The following TASP1 variants were observed in gnomAD, a reference collection of about 807,000 sequenced individuals.
The protein encoded by TASP1 is threonine aspartase 1.
A neutral mutation model predicts 56.6 loss-of-function variants in TASP1; 16 were observed. The observed-to-expected ratio is 0.28, with a 90% CI of 0.19 to 0.43. The LOEUF (loss-of-function observed/expected upper bound fraction) is 0.43. TASP1 is among the 20% of genes least tolerant of loss of function. The pLI is 1.00. For synonymous variants in TASP1, 179 were observed against 184.2 expected (o/e 0.97, Z 0.23); for missense variants, 393 against 511.6 (o/e 0.77, Z 2.24).
the TASP1 span, among the ~76,000 whole-genome samples, chr20:13,130,790 A>G: frequency 6.6e-6 from 1 of 152,216 alleles, no homozygotes; most frequent in African/African-American, 2.4e-5. Context: ...CAATGTTGTA[A>G]GCCCCTTAAG....
chr20:13,222,908 A>T, the TASP1 span, among the ~76,000 whole-genome samples: 1 of 152,174 alleles, frequency 6.6e-6, no homozygotes. Context: ...CACGCCTGTG[A>T]TCCCAGCACT....
At chr20:13,194,156 C>CA in the TASP1 span, among the ~76,000 whole-genome samples, 1 of 151,722 alleles carries the variant, frequency 6.6e-6, no homozygotes, top group African/African-American at 2.4e-5. Context: ...CAAAAAACAG[C>CA]AAAAAATGTT....
the TASP1 span, among the ~76,000 whole-genome samples, chr20:13,336,041 A>G: frequency 9.8e-5 from 15 of 152,368 alleles, no homozygotes; most frequent in African/African-American, 3.6e-4. Context: ...AAATCTCAGA[A>G]CACAGTTAAA....
the TASP1 span, chr20:13,133,067 C>T: frequency 1.3e-5 from 2 of 152,314 alleles, no homozygotes; most frequent in Non-Finnish European, 2.9e-5. Context: ...TGAAAACAGC[C>T]TTCAAAGACT....
chr20:13,164,281 GA>G, the TASP1 span: 3 of 460,154 alleles, frequency 6.5e-6, no homozygotes, highest in South Asian at 4.8e-5. Context: ...TTAAAAGCAG[GA>G]GGCCTGGGGT....
At chr20:13,383,894 T>C in the TASP1 span, among the ~76,000 whole-genome samples, 7 of 152,210 alleles carry the variant, frequency 4.6e-5, no homozygotes, top group Non-Finnish European at 8.8e-5. Context: ...CCATAGAACA[T>C]GAAACAGATG....
the TASP1 span, among the ~76,000 whole-genome samples, chr20:13,151,524 C>G: frequency 6.6e-6 from 1 of 152,196 alleles, no homozygotes; most frequent in Non-Finnish European, 1.5e-5. Flanking sequence ...GGGGAGGGAT[C>G]ATCCTTGAGA....
chr20:13,379,943 T>C, the TASP1 span, among the ~76,000 whole-genome samples: 3 of 152,242 alleles, frequency 2.0e-5, no homozygotes, highest in South Asian at 2.1e-4. Context: ...TGTTCTTCTC[T>C]AGACTGGTTA....
At chr20:13,406,716 G>C (rs1213924356) in intron 13 of TASP1, among the ~76,000 whole-genome samples, 2 of 148,324 alleles carry the variant, frequency 1.3e-5, no homozygotes, top group Non-Finnish European at 3.0e-5. Context: ...ACCCAGGCTG[G>C]AGTGCAGTGG....
At chr20:13,355,242 G>C in the TASP1 span, among the ~76,000 whole-genome samples, 1 of 152,114 alleles carries the variant, frequency 6.6e-6, no homozygotes, top group African/African-American at 2.4e-5. Context: ...TTTATTTAAT[G>C]TTTGAGTTAT....
intron 11 of TASP1, among the ~76,000 whole-genome samples, chr20:13,462,652 T>C (rs1465144100): frequency 6.6e-6 from 1 of 152,158 alleles, no homozygotes; most frequent in Non-Finnish European, 1.5e-5. Context: ...AATTTCTACA[T>C]ACTAACAGTG....
chr20:13,272,382 C>A, the TASP1 span, among the ~76,000 whole-genome samples: 1 of 152,162 alleles, frequency 6.6e-6, no homozygotes, highest in Non-Finnish European at 1.5e-5. Context: ...TAAAATGCTG[C>A]ATTAGGTTAT....
At chr20:13,288,995 C>A in the TASP1 span, among the ~76,000 whole-genome samples, 1 of 152,042 alleles carries the variant, frequency 6.6e-6, no homozygotes, top group Admixed American at 6.6e-5. Context: ...ACCATGTTGG[C>A]CAGGTTGGTC....
the TASP1 span, among the ~76,000 whole-genome samples, chr20:13,138,061 A>G: frequency 6.6e-6 from 1 of 152,074 alleles, no homozygotes; most frequent in Non-Finnish European, 1.5e-5. Flanking sequence ...CATCCTTTCT[A>G]AAATATTGTC....
the TASP1 span, among the ~76,000 whole-genome samples, chr20:13,336,521 T>G: frequency 1.3e-5 from 2 of 152,122 alleles, no homozygotes; most frequent in Non-Finnish European, 2.9e-5. Context: ...AGGACTCTGA[T>G]GCCTATGAAG....
At chr20:13,309,997 C>CA in the TASP1 span, among the ~76,000 whole-genome samples, 3 of 152,042 alleles carry the variant, frequency 2.0e-5, no homozygotes, top group African/African-American at 4.8e-5. Context: ...ATTTATATCA[C>CA]AAAAATGTCC....
At chr20:13,501,708 A>G (rs944288048) in intron 10 of TASP1, among the ~76,000 whole-genome samples, 1 of 152,036 alleles carries the variant, frequency 6.6e-6, no homozygotes, top group Non-Finnish European at 1.5e-5. Context: ...TCCATGTAAA[A>G]GGCACGGGTT....
At chr20:13,270,581 G>A in the TASP1 span, 1 of 1,613,798 alleles carries the variant, frequency 6.2e-7, no homozygotes, top group Non-Finnish European at 8.5e-7. Context: ...GGGAGCATCT[G>A]GACCACCAGG....
intron 4 of TASP1, among the ~76,000 whole-genome samples, chr20:13,620,419 C>T (rs772669268): frequency 2.0e-5 from 3 of 152,080 alleles, no homozygotes; most frequent in Non-Finnish European, 4.4e-5. Context: ...AAATATACAG[C>T]CAGATACACT....
Sources: gnomAD v4.1 joint callset for allele counts (sites outside exome capture counted in the v4.1 genomes callset) on GRCh38, gnomAD v4.1.1 for gene constraint, MANE v1.5 for transcripts, NCBI Gene and HGNC (gene_info 2026-07-23, HGNC 2026-07-21) for gene names.